The following PACRGL variants were observed in gnomAD, a reference collection of about 807,000 sequenced individuals.
PACRGL encodes the protein PACRG-like protein.
In PACRGL, 38 loss-of-function variants were observed where a neutral mutation model predicts 34.5. The observed-to-expected ratio is 1.10, with a 90% CI of 0.85 to 1.44. The LOEUF is 1.44. PACRGL is among the 40% of genes most tolerant of loss of function. The pLI is 0.00. For synonymous variants in PACRGL, 128 were observed against 100.1 expected (o/e 1.28, Z -1.66); for missense variants, 305 against 281.4 (o/e 1.08, Z -0.60).
chr4:20,738,233 A>G (rs979026490), intron 8 of PACRGL, among the ~76,000 whole-genome samples: 5 of 152,230 alleles, frequency 3.3e-5, no homozygotes, highest in African/African-American at 1.2e-4. Context: ...TTGAAAGGCT[A>G]GATGAGATTG....
In PACRGL at chr4:20,730,970, G is replaced by C. The variant is rs1316559200; in HGVS notation, c.*3629G>C. Among the ~76,000 whole-genome samples the C allele has an allele frequency of 1.3e-5, 2 of 152,284 alleles. No individual in the cohort carries two copies. The highest frequency in any genetic ancestry group is 4.1e-4 in the South Asian group (2 of 4,826). On this transcript the variant is annotated 3_prime_UTR_variant, in exon 9 of 9. Transcript: ENST00000503585. ...CAAAGACCACTGCATGGAAATCCAA[G>C]TTGAGAGACAAGCAGACATCCAGAA...
In PACRGL at chr4:20,716,723, C is replaced by G. The variant is rs1393306207; in HGVS notation, c.609+3184C>G. On this transcript the variant is annotated intron_variant, in intron 7 of 8. Coordinates refer to ENST00000503585, the MANE Select transcript of PACRGL (RefSeq NM_001258345.3). ...GTATATGTGCCACATTTTCTTAATC[C>G]AGTCTATCATTGATGGACATTTGGG... 2.6e-5 allele frequency among the ~76,000 whole-genome samples: 4 copies of G among 152,156 alleles called. No homozygotes were observed. The South Asian group carries it at 6.2e-4, about 24-fold the overall frequency.
chr4:20,717,360 G>A (rs1379684906), intron 7 of PACRGL, among the ~76,000 whole-genome samples: 1 of 152,124 alleles, frequency 6.6e-6, no homozygotes, highest in East Asian at 1.9e-4. Context: ...TGTCAATTTT[G>A]GCTTTTGTTG....
Position 20,729,486 on chromosome 4 carries a change from T to TTAA in PACRGL, c.*2150_*2152dup, listed in dbSNP as rs1747269033. The TTAA allele has an allele frequency of 8.4e-6, 1 of 118,550 alleles. No homozygotes were observed. Among genetic ancestry groups the TTAA allele is most frequent in the African/African-American group, 3.7e-5 (1 of 27,230 alleles). 7.3% of individuals were successfully genotyped at this position (118,550 alleles called of 1,614,324 possible). A position where few individuals can be genotyped will look rare whatever the true frequency, so the allele number is the denominator to read the frequency against. ...TGATAATAAACTAATTTTTAAATGTTTAATAATTTTTAAATGTTTAAAAAT... is the reference window on the plus strand; with the variant it reads ...TGATAATAAACTAATTTTTAAATGTTTAATAATAATTTTTAAATGTTTAAAAAT... On this transcript the variant is annotated 3_prime_UTR_variant, in exon 9 of 9. Transcript: ENST00000503585.
At chr4:20,766,233 T>A in the PACRGL span, among the ~76,000 whole-genome samples, 2 of 152,114 alleles carry the variant, frequency 1.3e-5, no homozygotes, top group African/African-American at 2.4e-5. Context: ...AAATAGCAGA[T>A]CTAATCTATA....
chr4:20,749,793 G>C, intron 8 of PACRGL: 1 of 1,119,818 alleles, frequency 8.9e-7, no homozygotes, highest in Non-Finnish European at 1.3e-6. Flanking sequence ...ATAAGACTTG[G>C]ATAGCAGTCC....
chr4:20,730,098 A>G lies in PACRGL; in HGVS notation c.*2757A>G. The G allele has an allele frequency of 1.9e-6, 3 of 1,608,880 alleles. No homozygotes were observed. Among genetic ancestry groups the G allele is most frequent in the Non-Finnish European group, 2.5e-6 (3 of 1,178,298 alleles). On this transcript the variant is annotated 3_prime_UTR_variant, in exon 9 of 9. Coordinates refer to ENST00000503585, the MANE Select transcript of PACRGL (RefSeq NM_001258345.3). ...TTTGACAAGTTAAATCACATTTTCA[A>G]AGAGCTGCATGGAGCGCATTATGTT...
downstream of PACRGL, among the ~76,000 whole-genome samples, chr4:20,753,690 T>C (rs137858674): frequency 2.3e-3 from 351 of 152,328 alleles, 8 homozygotes; most frequent in South Asian, 0.046. Context: ...AGTTCATATG[T>C]GTGAATAGTA....
chr4:20,735,925 G>A (rs1749522080), downstream of PACRGL, among the ~76,000 whole-genome samples: 1 of 152,154 alleles, frequency 6.6e-6, no homozygotes, highest in Admixed American at 6.6e-5. Flanking sequence ...GAAAGCAGAG[G>A]GGAAATCCAA....
chr4:20,736,915 G>A (rs1452298713), downstream of PACRGL, among the ~76,000 whole-genome samples: 1 of 152,160 alleles, frequency 6.6e-6, no homozygotes, highest in Non-Finnish European at 1.5e-5. Context: ...TTAGTACAAA[G>A]TTACATTAAT....
chr4:20,738,140 A>C (rs1309495285), intron 8 of PACRGL, among the ~76,000 whole-genome samples: 1 of 152,106 alleles, frequency 6.6e-6, no homozygotes, highest in Non-Finnish European at 1.5e-5. Context: ...AAAAAAAAAA[A>C]AAAAATCCTT....
At chr4:20,705,933 C>T (rs1578130085) in intron 3 of PACRGL, among the ~76,000 whole-genome samples, 1 of 148,190 alleles carries the variant, frequency 6.7e-6, no homozygotes, top group East Asian at 2.0e-4. Flanking sequence ...GATTTTTCAA[C>T]TCTGTTGATA....
At chr4:20,749,630 G>A (rs1393110246) in intron 8 of PACRGL, 2 of 1,468,468 alleles carry the variant, frequency 1.4e-6, no homozygotes, top group Admixed American at 1.7e-5. Context: ...ACTCTAAATA[G>A]TCAAATGATA....
At chr4:20,748,944 A>T (rs923433261) in intron 8 of PACRGL, among the ~76,000 whole-genome samples, 1 of 150,792 alleles carries the variant, frequency 6.6e-6, no homozygotes, top group Non-Finnish European at 1.5e-5. Flanking sequence ...CTATGTAAAT[A>T]TCTAGGACAT....
At chr4:20,759,037 C>A in the PACRGL span, 2 of 589,192 alleles carry the variant, frequency 3.4e-6, no homozygotes, top group Non-Finnish European at 6.0e-6. Flanking sequence ...AATAAAAGCA[C>A]ACTATAAACT....
At chr4:20,710,093 A>G (rs548968911) in intron 5 of PACRGL, among the ~76,000 whole-genome samples, 7 of 152,306 alleles carry the variant, frequency 4.6e-5, no homozygotes, top group Non-Finnish European at 1.0e-4. Flanking sequence ...GAAATAAGGA[A>G]AACATCAGGG....
chr4:20,731,704 A>C lies in PACRGL; in HGVS notation c.*4363A>C, dbSNP rs1748272603. ...CTAAGTTTTGGCAAAGAGCAATTCA[A>C]ATCTCATGTATGTTTTATCCTCCAT... On this transcript the variant is annotated 3_prime_UTR_variant, in exon 9 of 9. Coordinates refer to ENST00000503585, the MANE Select transcript of PACRGL (RefSeq NM_001258345.3). The C allele has an allele frequency of 2.0e-6, 2 of 985,148 alleles. No homozygotes were observed. Among genetic ancestry groups the C allele is most frequent in the African/African-American group, 3.5e-5 (2 of 57,248 alleles). 61.0% of individuals were successfully genotyped at this position (985,148 alleles called of 1,614,324 possible).
intron 7 of PACRGL, among the ~76,000 whole-genome samples, chr4:20,719,133 A>G (rs1230877940): frequency 6.6e-6 from 1 of 152,154 alleles, no homozygotes; most frequent in Admixed American, 6.5e-5. Flanking sequence ...TGTTTATAGT[A>G]TTCTCTGATG....
downstream of PACRGL, chr4:20,732,901 ATTCT>A (rs1368936860): frequency 2.3e-5 from 15 of 639,222 alleles, no homozygotes; most frequent in Middle Eastern, 3.9e-4. Flanking sequence ...TGTTTGTTGG[ATTCT>A]TTGTTAGACG....
Sources: gnomAD v4.1 joint callset for allele counts (sites outside exome capture counted in the v4.1 genomes callset) on GRCh38, gnomAD v4.1.1 for gene constraint, MANE v1.5 for transcripts, NCBI Gene and HGNC (gene_info 2026-07-23, HGNC 2026-07-21) for gene names.